SLF1: variants seen among roughly 807,000 people sequenced by gnomAD.
SLF1 encodes the protein SMC5/6 complex localization factor 1, also known as SMC5-SMC6 complex localization factor protein 1.
Under a neutral mutation model 123.0 loss-of-function variants are expected in SLF1, and 105 were observed. The ratio of observed to expected loss-of-function variants is 0.85; its 90% CI spans 0.73 to 1.00. The LOEUF is 1.00. Among genes scored for constraint, SLF1 ranks in the 50% least tolerant of loss-of-function variants. The pLI is 0.00. For missense variants in SLF1, 1,239 were observed against 1,223.0 expected, an observed-to-expected ratio of 1.01 and a Z score of -0.20; for synonymous variants, 434 against 406.6, an observed-to-expected ratio of 1.07 and a Z score of -0.81.
intron 12 of SLF1, among the ~76,000 whole-genome samples, chr5:94,668,312 G>T (rs993027962): frequency 6.6e-6 from 1 of 151,790 alleles, no homozygotes; most frequent in Non-Finnish European, 1.5e-5. Flanking sequence ...GGCCAATTTT[G>T]TTGTTGTGGT....
intron 20 of SLF1, 130 bp from the exon 21 acceptor site, chr5:94,694,701 T>C: frequency 1.0e-5 from 12 of 1,192,768 alleles, no homozygotes; most frequent in Non-Finnish European, 1.4e-5. Context: ...GTTAATTGTG[T>C]CGACATGAAT....
chr5:94,630,277 G>C (rs927667893), intron 3 of SLF1, among the ~76,000 whole-genome samples: 1 of 152,028 alleles, frequency 6.6e-6, no homozygotes, highest in African/African-American at 2.4e-5. Context: ...ATTATATTTA[G>C]AATTATAATT....
rs778859276 is a variant in SLF1, at chr5:94,688,508, A to G, written c.2124A>G (p.Val708=). 5 of 1,613,752 alleles carry G rather than the reference A, an allele frequency of 3.1e-6. No homozygotes were observed. In the Admixed American group the frequency reaches 6.7e-5, roughly 22 times the overall value. The change falls in exon 17 of 21, where the codon GTA becomes GTG. Residue 708 remains valine (V), a splice_region_variant and synonymous_variant. Coordinates refer to ENST00000265140, the MANE Select transcript of SLF1 (RefSeq NM_032290.4). Reference sequence around the variant, plus strand: ...AATGCAATATTATTTTTCAACAGGTATATTCCTATTTACCAGCCTTGGGGA... The same window carrying G: ...AATGCAATATTATTTTTCAACAGGTGTATTCCTATTTACCAGCCTTGGGGA... ...SSEPLSLQKM[V]YSYLPALGKT...
chr5:94,668,672 G>C (rs1178240236), intron 12 of SLF1, among the ~76,000 whole-genome samples: 1 of 152,064 alleles, frequency 6.6e-6, no homozygotes, highest in Admixed American at 6.6e-5. Flanking sequence ...TAGAGGTGAA[G>C]TCTCCCTGTG....
At chr5:94,687,053 C>T (rs1004388660) in intron 16 of SLF1, among the ~76,000 whole-genome samples, 1 of 152,222 alleles carries the variant, frequency 6.6e-6, no homozygotes, top group Non-Finnish European at 1.5e-5. Flanking sequence ...CGTGAGCCAC[C>T]ACGCCTGGCC....
intron 20 of SLF1, among the ~76,000 whole-genome samples, chr5:94,694,095 TAAGAC>T (rs949601494): frequency 6.6e-6 from 1 of 151,938 alleles, no homozygotes; most frequent in African/African-American, 2.4e-5. Flanking sequence ...TAAATAATTA[TAAGAC>T]TTGACTGATG....
chr5:94,660,577 C>T (rs1032460931), intron 9 of SLF1, among the ~76,000 whole-genome samples: 1 of 152,144 alleles, frequency 6.6e-6, no homozygotes, highest in African/African-American at 2.4e-5. Context: ...CCCACGTCCT[C>T]GTATTGTGCA....
intron 4 of SLF1, among the ~76,000 whole-genome samples, chr5:94,634,798 T>G (rs1287881199): frequency 1.3e-5 from 2 of 152,220 alleles, no homozygotes; most frequent in African/African-American, 4.8e-5. Flanking sequence ...TCCTAATGAT[T>G]AGTGATATTG....
intron 5 of SLF1, 92 bp downstream of exon 5, chr5:94,643,527 C>G (rs1046923795): frequency 1.0e-6 from 1 of 963,974 alleles, no homozygotes; most frequent in Middle Eastern, 3.7e-4. Context: ...AAGTTGTGTT[C>G]TAAATTTTGA....
intron 5 of SLF1, among the ~76,000 whole-genome samples, chr5:94,645,549 A>T (rs1000524794): frequency 1.3e-5 from 2 of 152,218 alleles, no homozygotes; most frequent in African/African-American, 4.8e-5. Flanking sequence ...TCTTAACTAG[A>T]TTAGTAAAGG....
chr5:94,672,533 G>C (rs895358989), intron 14 of SLF1, among the ~76,000 whole-genome samples: 5 of 133,212 alleles, frequency 3.8e-5, no homozygotes, highest in Non-Finnish European at 7.9e-5. Context: ...TTTTTTTTCT[G>C]TACTTGCCAC....
At chr5:94,665,588 A>C (rs889722283) in intron 11 of SLF1, among the ~76,000 whole-genome samples, 1 of 152,144 alleles carries the variant, frequency 6.6e-6, no homozygotes, top group African/African-American at 2.4e-5. Flanking sequence ...ATCTCTACTA[A>C]AAATACAAAA....
At chr5:94,641,028 G>T (rs958843339) in intron 4 of SLF1, among the ~76,000 whole-genome samples, 1 of 151,792 alleles carries the variant, frequency 6.6e-6, no homozygotes, top group Non-Finnish European at 1.5e-5. Flanking sequence ...ATTGCATGCC[G>T]GATATCACAT....
At chr5:94,625,722 T>G (rs1263710368) in intron 1 of SLF1, among the ~76,000 whole-genome samples, 1 of 152,156 alleles carries the variant, frequency 6.6e-6, no homozygotes, top group African/African-American at 2.4e-5. Flanking sequence ...CTTAAAGGAT[T>G]TAAAGAAATA....
chr5:94,651,245 ACT>A (rs904430128), intron 6 of SLF1, among the ~76,000 whole-genome samples: 2 of 152,242 alleles, frequency 1.3e-5, no homozygotes, highest in East Asian at 1.9e-4. Flanking sequence ...GTGTAGGTAG[ACT>A]CTGATGTTCG....
chr5:94,641,155 T>C (rs1746395092), intron 4 of SLF1, among the ~76,000 whole-genome samples: 1 of 152,176 alleles, frequency 6.6e-6, no homozygotes, highest in Non-Finnish European at 1.5e-5. Context: ...GTTGAGCTAG[T>C]GCTATGGTGA....
intron 11 of SLF1, among the ~76,000 whole-genome samples, chr5:94,665,479 GGTGGCT>G (rs1250172712): frequency 1.3e-5 from 2 of 151,586 alleles, no homozygotes; most frequent in Non-Finnish European, 2.9e-5. Context: ...GGCCGGGCGT[GGTGGCT>G]CACACCTGTA....
intron 1 of SLF1, among the ~76,000 whole-genome samples, chr5:94,625,949 T>G (rs1025896591): frequency 4.6e-5 from 7 of 152,002 alleles, no homozygotes; most frequent in African/African-American, 1.7e-4. Flanking sequence ...CCCATGTAAA[T>G]GGTTTTAAAA....
chr5:94,650,327 ATTT>A (rs537451269), intron 6 of SLF1, among the ~76,000 whole-genome samples: 11 of 151,532 alleles, frequency 7.3e-5, no homozygotes, highest in African/African-American at 2.7e-4. Flanking sequence ...TCTGTCAAGT[ATTT>A]TTGAAAGGTA....
Sources: gnomAD v4.1 joint callset for allele counts (sites outside exome capture counted in the v4.1 genomes callset) on GRCh38, gnomAD v4.1.1 for gene constraint, MANE v1.5 for transcripts, NCBI Gene and HGNC (gene_info 2026-07-23, HGNC 2026-07-21) for gene names.